Variants in SUGCT observed in about 807,000 individuals in gnomAD.
SUGCT encodes the protein succinyl-CoA:glutarate CoA-transferase.
In SUGCT, 41 loss-of-function variants were observed where a neutral mutation model predicts 55.0. The ratio of observed to expected loss-of-function variants is 0.74; its 90% confidence interval spans 0.58 to 0.97. The LOEUF is 0.97. Ranked by LOEUF, SUGCT falls within the 50% of genes least tolerant of loss-of-function variation. The probability of loss-of-function intolerance (pLI) is 0.00; values close to 1 mark genes in which losing one functional copy is unlikely to be tolerated. For synonymous variants in SUGCT, 187 were observed against 200.4 expected, an observed-to-expected ratio of 0.93 and a Z score of 0.56; for missense variants, 568 against 547.8, an observed-to-expected ratio of 1.04 and a Z score of -0.37.
At chr7:40,242,933 ATTT>A (rs70996894) in intron 7 of SUGCT, among the ~76,000 whole-genome samples, 72 of 17,124 alleles carry the variant, frequency 4.2e-3, no homozygotes, top group Admixed American at 8.5e-3. Flanking sequence ...ATATATATAT[ATTT>A]TTTTTTTTTT....
chr7:40,797,320 G>GT (rs774684118), intron 13 of SUGCT, among the ~76,000 whole-genome samples: 46 of 151,716 alleles, frequency 3.0e-4, no homozygotes, highest in Admixed American at 9.8e-4. Flanking sequence ...TTATAAAACT[G>GT]TTTTTTTTAA....
the SUGCT span, among the ~76,000 whole-genome samples, chr7:40,898,934 C>G: frequency 6.6e-6 from 1 of 152,124 alleles, no homozygotes; most frequent in Non-Finnish European, 1.5e-5. Context: ...CAAAATGTCA[C>G]TTGGAACTGC....
chr7:40,627,071 T>C (rs1327550550), intron 12 of SUGCT, among the ~76,000 whole-genome samples: 1 of 152,180 alleles, frequency 6.6e-6, no homozygotes, highest in African/African-American at 2.4e-5. Flanking sequence ...TTTATCCCAC[T>C]CCTACTTTTG....
At chr7:40,688,946 C>G (rs140246603) in intron 12 of SUGCT, among the ~76,000 whole-genome samples, 2 of 152,182 alleles carry the variant, frequency 1.3e-5, no homozygotes, top group East Asian at 3.9e-4. Flanking sequence ...CTACTGAATT[C>G]TGAAAAGAAA....
chr7:40,538,566 T>G (rs1794497871), intron 12 of SUGCT: 1 of 152,176 alleles, frequency 6.6e-6, no homozygotes, highest in Non-Finnish European at 1.5e-5. Context: ...GGTCAGAGGT[T>G]GAAGCAATGT....
chr7:40,666,349 A>AG (rs1801629136), intron 12 of SUGCT, among the ~76,000 whole-genome samples: 3 of 139,012 alleles, frequency 2.2e-5, no homozygotes, highest in African/African-American at 8.8e-5. Context: ...CTCTGTCTCA[A>AG]GAAAGAAAGG....
intron 12 of SUGCT, among the ~76,000 whole-genome samples, chr7:40,696,050 A>G (rs893302711): frequency 1.8e-4 from 27 of 152,172 alleles, no homozygotes; most frequent in Non-Finnish European, 2.5e-4. Context: ...CCCATCCTAC[A>G]GTTCTTTTCC....
At chr7:40,740,686 T>G (rs1383959902) in intron 12 of SUGCT, among the ~76,000 whole-genome samples, 1 of 152,030 alleles carries the variant, frequency 6.6e-6, no homozygotes, top group Non-Finnish European at 1.5e-5. Context: ...AAGTTGAGAT[T>G]ATTCCCTTCA....
intron 9 of SUGCT, among the ~76,000 whole-genome samples, chr7:40,325,699 G>C (rs750473252): frequency 6.6e-6 from 1 of 152,010 alleles, no homozygotes. Context: ...CCAGCTACTC[G>C]GGAGGCTGAG....
At chr7:40,411,939 A>T (rs1291279691) in intron 9 of SUGCT, among the ~76,000 whole-genome samples, 1 of 84,756 alleles carries the variant, frequency 1.2e-5, no homozygotes, top group Non-Finnish European at 2.3e-5. Context: ...TCAAAAAAGG[A>T]AAAGAACATA....
the SUGCT span, among the ~76,000 whole-genome samples, chr7:40,961,416 TCTGTTTC>T: frequency 6.6e-6 from 1 of 152,116 alleles, no homozygotes. Flanking sequence ...AGAACTCTAT[TCTGTTTC>T]TTATTCTTCT....
At chr7:40,396,853 A>C (rs1415541799) in intron 9 of SUGCT, among the ~76,000 whole-genome samples, 2 of 152,184 alleles carry the variant, frequency 1.3e-5, no homozygotes, top group Non-Finnish European at 2.9e-5. Flanking sequence ...TTAAGCAGTA[A>C]CTGGACAAAG....
chr7:40,689,346 T>G (rs1278593351), intron 12 of SUGCT, among the ~76,000 whole-genome samples: 1 of 152,186 alleles, frequency 6.6e-6, no homozygotes, highest in African/African-American at 2.4e-5. Context: ...GGCAATCTTT[T>G]TTACCTTTTT....
the SUGCT span, among the ~76,000 whole-genome samples, chr7:40,930,595 G>A: frequency 5.9e-5 from 9 of 151,502 alleles, no homozygotes; most frequent in South Asian, 2.1e-4. Context: ...CTTTTATTTT[G>A]TTGAGCAGTG....
chr7:40,390,255 A>G (rs1312165143), intron 9 of SUGCT, among the ~76,000 whole-genome samples: 2 of 152,302 alleles, frequency 1.3e-5, no homozygotes, highest in African/African-American at 2.4e-5. Flanking sequence ...CACCACTCCT[A>G]TTCAACATGG....
At chr7:40,297,242 T>A (rs1318839684) in intron 8 of SUGCT, among the ~76,000 whole-genome samples, 1 of 152,160 alleles carries the variant, frequency 6.6e-6, no homozygotes, top group Non-Finnish European at 1.5e-5. Flanking sequence ...CAGCAAAGCC[T>A]GATTTTTACC....
intron 1 of SUGCT, among the ~76,000 whole-genome samples, chr7:40,171,011 C>G (rs1178906745): frequency 6.6e-6 from 1 of 152,156 alleles, no homozygotes; most frequent in Non-Finnish European, 1.5e-5. Context: ...CCAGCTGCCC[C>G]ATCAAGATGC....
intron 7 of SUGCT, among the ~76,000 whole-genome samples, chr7:40,259,875 T>C (rs1480366854): frequency 6.6e-6 from 1 of 152,354 alleles, no homozygotes; most frequent in Non-Finnish European, 1.5e-5. Context: ...AACTCCTGGC[T>C]TCACTTTCCC....
At chr7:40,267,946 A>G (rs567884510) in intron 7 of SUGCT, among the ~76,000 whole-genome samples, 1 of 152,314 alleles carries the variant, frequency 6.6e-6, no homozygotes, top group South Asian at 2.1e-4. Flanking sequence ...ATAAAACTTC[A>G]TTGAAATAAA....
Sources: gnomAD v4.1 joint callset for allele counts (sites outside exome capture counted in the v4.1 genomes callset) on GRCh38, gnomAD v4.1.1 for gene constraint, MANE v1.5 for transcripts, NCBI Gene and HGNC (gene_info 2026-07-23, HGNC 2026-07-21) for gene names.